PARD3: variants seen among roughly 807,000 people sequenced by gnomAD.
PARD3 encodes par-3 family cell polarity regulator.
PARD3 carries 75 observed loss-of-function variants against 155.4 expected under a neutral mutation model. The ratio of observed to expected loss-of-function variants is 0.48; its 90% CI spans 0.40 to 0.58. The LOEUF (loss-of-function observed/expected upper bound fraction) is 0.58, where lower values mean the gene tolerates loss of function less well. Ranked by LOEUF, PARD3 falls within the 20% of genes least tolerant of loss-of-function variation. The probability of loss-of-function intolerance (pLI) is 0.00; values close to 1 mark genes in which losing one functional copy is unlikely to be tolerated. For synonymous variants in PARD3, 576 were observed against 610.5 expected (o/e 0.94, Z 0.83); for missense variants, 1,642 against 1,721.7 (o/e 0.95, Z 0.82).
chr10:34,720,164 G>A (rs532520496), intron 1 of PARD3, among the ~76,000 whole-genome samples: 1 of 152,316 alleles, frequency 6.6e-6, no homozygotes, highest in East Asian at 1.9e-4. Context: ...CGGGCACGGC[G>A]GCTCATGCCT....
intron 1 of PARD3, among the ~76,000 whole-genome samples, chr10:34,743,093 T>G (rs2095048086): frequency 2.0e-5 from 3 of 152,136 alleles, no homozygotes; most frequent in Admixed American, 2.0e-4. Context: ...AAATATTCAA[T>G]TAAATCTTAT....
chr10:34,658,231 T>G (rs1241163487), intron 2 of PARD3, among the ~76,000 whole-genome samples: 1 of 152,156 alleles, frequency 6.6e-6, no homozygotes, highest in Non-Finnish European at 1.5e-5. Flanking sequence ...GGTAAAGATG[T>G]AAAAATAAGT....
chr10:34,318,162 A>C (rs1043560194), intron 19 of PARD3, among the ~76,000 whole-genome samples: 3 of 152,166 alleles, frequency 2.0e-5, no homozygotes, highest in African/African-American at 7.2e-5. Flanking sequence ...TCAATACCCC[A>C]AACTTTTTGC....
chr10:34,184,243 T>G (rs1369919670), intron 22 of PARD3, among the ~76,000 whole-genome samples: 1 of 152,208 alleles, frequency 6.6e-6, no homozygotes, highest in African/African-American at 2.4e-5. Context: ...GAATTGTTAG[T>G]TGATAGCCTT....
chr10:34,512,068 T>C (rs530446995), intron 3 of PARD3, among the ~76,000 whole-genome samples: 10 of 152,284 alleles, frequency 6.6e-5, no homozygotes, highest in South Asian at 2.1e-4. Flanking sequence ...ACATGTAAAT[T>C]TGGGGGGACA....
chr10:34,607,317 T>C (rs1437159917), intron 2 of PARD3, among the ~76,000 whole-genome samples: 1 of 152,158 alleles, frequency 6.6e-6, no homozygotes, highest in Non-Finnish European at 1.5e-5. Context: ...TGCTAAAAAA[T>C]GCAGTATTTC....
At chr10:34,430,687 A>G (rs2075855456) in intron 5 of PARD3, among the ~76,000 whole-genome samples, 2 of 152,236 alleles carry the variant, frequency 1.3e-5, no homozygotes, top group Admixed American at 6.5e-5. Flanking sequence ...CAGAAATTTT[A>G]GCTTTTTCTG....
At chr10:34,414,681 A>G (rs1203497740) in intron 5 of PARD3, among the ~76,000 whole-genome samples, 1 of 151,988 alleles carries the variant, frequency 6.6e-6, no homozygotes, top group Non-Finnish European at 1.5e-5. Context: ...AAAAAAATAA[A>G]CAATCTATTA....
intron 7 of PARD3, among the ~76,000 whole-genome samples, chr10:34,393,573 A>AG (rs1564662654): frequency 6.7e-6 from 1 of 149,744 alleles, no homozygotes; most frequent in Non-Finnish European, 1.5e-5. Flanking sequence ...CTATCTCAAA[A>AG]GGAAAAAAAA....
intron 11 of PARD3, 27 bp from the exon 12 acceptor site, chr10:34,372,563 T>C (rs755977462): frequency 1.5e-5 from 24 of 1,570,010 alleles, no homozygotes; most frequent in Middle Eastern, 1.7e-4. Context: ...AAAACATAAA[T>C]ACAGACTGAC....
chr10:34,258,238 G>C (rs1483699986), intron 22 of PARD3, among the ~76,000 whole-genome samples: 2 of 152,178 alleles, frequency 1.3e-5, no homozygotes, highest in Non-Finnish European at 2.9e-5. Context: ...AAAACTCCAG[G>C]TACTGGGTGA....
chr10:34,220,649 G>C (rs896730782), intron 22 of PARD3, among the ~76,000 whole-genome samples: 2 of 152,138 alleles, frequency 1.3e-5, no homozygotes, highest in African/African-American at 4.8e-5. Context: ...CCTACTTGGG[G>C]CCTCCATTTC....
At chr10:34,770,436 C>T (rs562232442) in intron 1 of PARD3, among the ~76,000 whole-genome samples, 35 of 152,328 alleles carry the variant, frequency 2.3e-4, no homozygotes, top group African/African-American at 7.7e-4. Context: ...ACACCCTGCA[C>T]ATAAAAGGGT....
intron 1 of PARD3, among the ~76,000 whole-genome samples, chr10:34,801,292 A>G (rs1842820727): frequency 6.6e-6 from 1 of 152,258 alleles, no homozygotes; most frequent in Non-Finnish European, 1.5e-5. Context: ...GAGTCAAAAT[A>G]GGAGTGCTGT....
chr10:34,441,646 C>T (rs1304575569), intron 5 of PARD3, among the ~76,000 whole-genome samples: 4 of 152,016 alleles, frequency 2.6e-5, no homozygotes, highest in Non-Finnish European at 5.9e-5. Context: ...CTAAGAAGAA[C>T]GTCCACCAGA....
intron 22 of PARD3, among the ~76,000 whole-genome samples, chr10:34,206,290 T>C (rs749823967): frequency 2.0e-5 from 3 of 152,176 alleles, no homozygotes; most frequent in Non-Finnish European, 4.4e-5. Flanking sequence ...CTTCAGCATA[T>C]TGGGGTATGA....
Position 34,119,744 on chromosome 10 carries a change from G to C in PARD3, c.3541-4C>G, listed in dbSNP as rs1283661743. The C allele has an allele frequency of 6.2e-7, 1 of 1,609,632 alleles. No individual in the cohort carries two copies. Among genetic ancestry groups the C allele is most frequent in the Non-Finnish European group, 8.5e-7 (1 of 1,176,920 alleles). ...GCGTCGCCGGCCGTGCGTTCGGCTG[G>C]AAGAGGAAAATACAAGCACATCGTT... On this transcript the variant is annotated splice_polypyrimidine_tract_variant and splice_region_variant and intron_variant, in intron 23 of 24. Coordinates refer to ENST00000374788, the MANE Select transcript of PARD3 (RefSeq NM_001184785.2).
rs149335883 is a variant in PARD3, at chr10:34,344,764, T to C, written c.2219-2948A>G. 2.6e-3 allele frequency: 2,534 copies of C among 985,410 alleles called. 2 individuals carry two copies. The highest frequency in any genetic ancestry group is 2.9e-3 in the Admixed American group (47 of 16,286). 61.0% of individuals were successfully genotyped at this position (985,410 alleles called of 1,614,324 possible). ...TGTCAAAAGAGATGACAGAGAAATC[T>C]TGCCTTTGGTCACAATCCTGTCTGA... On this transcript the variant is annotated intron_variant, in intron 15 of 24. Transcript: ENST00000374788.
chr10:34,402,249 T>C (rs1160420487), intron 5 of PARD3, among the ~76,000 whole-genome samples: 1 of 152,220 alleles, frequency 6.6e-6, no homozygotes, highest in Non-Finnish European at 1.5e-5. Context: ...TTTTAGGAAG[T>C]AATTACATAT....
Sources: gnomAD v4.1 joint callset for allele counts (sites outside exome capture counted in the v4.1 genomes callset) on GRCh38, gnomAD v4.1.1 for gene constraint, MANE v1.5 for transcripts, NCBI Gene and HGNC (gene_info 2026-07-23, HGNC 2026-07-21) for gene names.